The following CNTN4 variants were observed in gnomAD, a reference collection of about 807,000 sequenced individuals.
CNTN4 encodes contactin-4.
A neutral mutation model predicts 122.5 loss-of-function variants in CNTN4; 77 were observed. The observed-to-expected ratio is 0.63, with a 90% CI of 0.52 to 0.76. The LOEUF (loss-of-function observed/expected upper bound fraction) is 0.76. Among genes scored for constraint, CNTN4 ranks in the 30% least tolerant of loss-of-function variants. The probability of loss-of-function intolerance (pLI) is 0.00; values close to 1 mark genes in which losing one functional copy is unlikely to be tolerated. For missense variants in CNTN4, 1,256 were observed against 1,259.1 expected (o/e 1.00, Z 0.04); for synonymous variants, 512 against 447.0 (o/e 1.15, Z -1.83).
chr3:2,213,916 T>C (rs1208851765), intron 2 of CNTN4, among the ~76,000 whole-genome samples: 1 of 152,180 alleles, frequency 6.6e-6, no homozygotes, highest in Non-Finnish European at 1.5e-5. Context: ...GATGGGCTCA[T>C]TGGCATGCTA....
chr3:2,768,272 T>C (rs1181860828), intron 6 of CNTN4, among the ~76,000 whole-genome samples: 5 of 152,188 alleles, frequency 3.3e-5, no homozygotes, highest in African/African-American at 1.2e-4. Context: ...GGTAATGATG[T>C]GAAATAGTGC....
At chr3:2,838,325 G>A (rs191080004) in intron 7 of CNTN4, among the ~76,000 whole-genome samples, 2 of 152,132 alleles carry the variant, frequency 1.3e-5, no homozygotes, top group African/African-American at 4.8e-5. Flanking sequence ...CATCTTTACT[G>A]TATACAGGTA....
intron 13 of CNTN4, among the ~76,000 whole-genome samples, chr3:2,948,444 T>C (rs1382531432): frequency 1.3e-5 from 2 of 152,150 alleles, no homozygotes. Context: ...CAAGTGGTGG[T>C]GGTAACAGAG....
intron 6 of CNTN4, among the ~76,000 whole-genome samples, chr3:2,771,248 CTT>C (rs1196671953): frequency 6.6e-6 from 1 of 150,600 alleles, no homozygotes; most frequent in Non-Finnish European, 1.5e-5. Flanking sequence ...GAAGAATTAA[CTT>C]AAGTTTAGAG....
At chr3:2,421,673 G>A (rs1189011374) in intron 3 of CNTN4, among the ~76,000 whole-genome samples, 1 of 152,126 alleles carries the variant, frequency 6.6e-6, no homozygotes, top group Non-Finnish European at 1.5e-5. Flanking sequence ...AATGACATAT[G>A]TGTTCTCCCC....
intron 2 of CNTN4, among the ~76,000 whole-genome samples, chr3:2,144,696 A>C (rs527374660): frequency 4.6e-5 from 7 of 152,324 alleles, no homozygotes; most frequent in Admixed American, 3.3e-4. Flanking sequence ...TTAAACCTGG[A>C]ATTGAGAACT....
chr3:2,277,939 T>G (rs1398096999), intron 2 of CNTN4, among the ~76,000 whole-genome samples: 3 of 123,006 alleles, frequency 2.4e-5, no homozygotes, highest in South Asian at 2.6e-4. Flanking sequence ...TGGCTTAAAT[T>G]TTTTTTTTCG....
At chr3:2,600,674 T>C (rs900974765) in intron 4 of CNTN4, among the ~76,000 whole-genome samples, 7 of 152,220 alleles carry the variant, frequency 4.6e-5, no homozygotes, top group South Asian at 2.1e-4. Flanking sequence ...TGTGCATGTG[T>C]CTTTATAGCA....
intron 6 of CNTN4, among the ~76,000 whole-genome samples, chr3:2,774,452 A>G (rs1458459103): frequency 6.6e-6 from 1 of 152,086 alleles, no homozygotes; most frequent in Non-Finnish European, 1.5e-5. Flanking sequence ...AAAGTAACCA[A>G]ACACTTTTCT....
intron 12 of CNTN4, among the ~76,000 whole-genome samples, chr3:2,909,080 A>G (rs1272752569): frequency 1.3e-5 from 2 of 152,170 alleles, no homozygotes; most frequent in Non-Finnish European, 2.9e-5. Flanking sequence ...TTTCATAGGG[A>G]CTTTCACAAG....
At chr3:2,282,428 C>G (rs1456369089) in intron 2 of CNTN4, among the ~76,000 whole-genome samples, 2 of 151,196 alleles carry the variant, frequency 1.3e-5, no homozygotes, top group East Asian at 3.9e-4. Flanking sequence ...CACTGTTAGC[C>G]CATCTGTGTT....
intron 3 of CNTN4, among the ~76,000 whole-genome samples, chr3:2,357,455 C>T (rs1467524211): frequency 6.6e-6 from 1 of 152,178 alleles, no homozygotes; most frequent in Non-Finnish European, 1.5e-5. Context: ...AAAATCACTG[C>T]ATACGTAGCC....
intron 2 of CNTN4, among the ~76,000 whole-genome samples, chr3:2,184,537 C>T (rs75350682): frequency 0.047 from 7,089 of 152,216 alleles, 211 homozygotes; most frequent in Middle Eastern, 0.089. Context: ...GTGTATGAAC[C>T]ACCCGCCTGC....
intron 2 of CNTN4, among the ~76,000 whole-genome samples, chr3:2,293,378 G>A (rs11915941): frequency 0.097 from 14,776 of 152,208 alleles, 731 homozygotes; most frequent in Middle Eastern, 0.12. Context: ...ATTATTGTGA[G>A]TAAAGGCAAT....
At chr3:2,652,029 T>A (rs1364021638) in intron 4 of CNTN4, among the ~76,000 whole-genome samples, 1 of 152,040 alleles carries the variant, frequency 6.6e-6, no homozygotes, top group Non-Finnish European at 1.5e-5. Context: ...TTGTTTTTTT[T>A]TTTTTAAATA....
chr3:3,014,263 A>G (rs1697533147), intron 14 of CNTN4, among the ~76,000 whole-genome samples: 1 of 152,164 alleles, frequency 6.6e-6, no homozygotes, highest in Non-Finnish European at 1.5e-5. Context: ...CAATACTTTC[A>G]GTCTGTAGTA....
chr3:2,293,725 T>C (rs1230497516), intron 2 of CNTN4, among the ~76,000 whole-genome samples: 1 of 152,220 alleles, frequency 6.6e-6, no homozygotes, highest in Non-Finnish European at 1.5e-5. Flanking sequence ...AATGTTTTCA[T>C]TTTAGCATAT....
chr3:2,101,067 G>GTTT, intron 2 of CNTN4, among the ~76,000 whole-genome samples: 1 of 152,268 alleles, frequency 6.6e-6, no homozygotes, highest in African/African-American at 2.4e-5. Context: ...AAGTCAATTG[G>GTTT]GAGTCAATGC....
Position 2,640,641 on chromosome 3 carries a change from A to ATGTG in CNTN4, c.55+69091_55+69094dup, listed in dbSNP as rs35062918. On this transcript the variant is annotated intron_variant, in intron 4 of 24. Coordinates refer to ENST00000418658, the MANE Select transcript of CNTN4 (RefSeq NM_175607.3). The stretch of plus-strand genomic sequence containing the variant: ...TTTAATATCTAGTGAGTGTGTGTAT[A>ATGTG]TGTGTGTGTGTATATATGCACACAT... Among the ~76,000 whole-genome samples, 132 of 151,546 alleles carry ATGTG rather than the reference A, an allele frequency of 8.7e-4. 1 individual carries two copies. Among genetic ancestry groups the ATGTG allele is most frequent in the Non-Finnish European group, 1.5e-3 (99 of 67,842 alleles).
Sources: allele counts gnomAD v4.1 joint callset (sites outside exome capture counted in the v4.1 genomes callset), GRCh38; gene constraint gnomAD v4.1.1; transcripts MANE v1.5; gene names NCBI Gene and HGNC (gene_info 2026-07-23, HGNC 2026-07-21).